Variants in FAM219A observed in about 807,000 individuals in gnomAD.
FAM219A encodes the protein protein FAM219A.
FAM219A carries 7 observed loss-of-function variants against 23.4 expected under a neutral mutation model. The ratio of observed to expected loss-of-function variants is 0.30; its 90% CI spans 0.17 to 0.56. The LOEUF is 0.56. Ranked by LOEUF, FAM219A falls within the 20% of genes least tolerant of loss-of-function variation. FAM219A has a pLI of 0.92. For synonymous variants in FAM219A, 93 were observed against 99.0 expected, an observed-to-expected ratio of 0.94 and a Z score of 0.36; for missense variants, 166 against 246.9, an observed-to-expected ratio of 0.67 and a Z score of 2.20.
At chr9:34,401,261 T>C in intron 5 of FAM219A, 139 bp from the exon 6 acceptor site, 1 of 1,087,066 alleles carries the variant, frequency 9.2e-7, no homozygotes, top group South Asian at 1.5e-5. Context: ...GGTCTGTCTG[T>C]ACCCCCAGGC....
chr9:34,420,585 C>A (rs1417922807), intron 1 of FAM219A, among the ~76,000 whole-genome samples: 1 of 152,092 alleles, frequency 6.6e-6, no homozygotes, highest in Non-Finnish European at 1.5e-5. Flanking sequence ...AAACAGATAA[C>A]CCAAAGGAAG....
At position 34,458,374 on chromosome 9, in the gene FAM219A, G is replaced by A; in HGVS notation, c.-111C>T. ...CGGGTGGTGCAGACTAGGCCTCCCC[G>A]GACCACTCGGGCGGGCAGGGGCCGG... On this transcript the variant is annotated 5_prime_UTR_variant, in exon 1 of 6. Coordinates refer to ENST00000651358, the MANE Select transcript of FAM219A (RefSeq NM_001184940.2). This position sits in a 1 kb window ranked among gnomAD's most constrained non-coding sequence, Gnocchi z 6.6. 1.4e-6 allele frequency: 1 copy of A among 716,692 alleles called. No individual in the cohort carries two copies. The highest frequency in any genetic ancestry group is 1.9e-6 in the Non-Finnish European group (1 of 534,068). 44.4% of individuals were successfully genotyped at this position (716,692 alleles called of 1,614,324 possible). A position where few individuals can be genotyped will look rare whatever the true frequency, so the allele number is the denominator to read the frequency against.
intron 1 of FAM219A, among the ~76,000 whole-genome samples, chr9:34,426,612 G>C (rs1394249386): frequency 1.3e-5 from 2 of 152,204 alleles, no homozygotes; most frequent in Admixed American, 1.3e-4. Context: ...TTTAGTTTCT[G>C]AAATCCAAGT....
chr9:34,421,130 G>A (rs1822267207), intron 1 of FAM219A, among the ~76,000 whole-genome samples: 1 of 152,008 alleles, frequency 6.6e-6, no homozygotes, highest in Admixed American at 6.5e-5. Context: ...CGTGCAGCAG[G>A]GAGGTCAGGG....
Position 34,458,219 on chromosome 9 carries a change from C to G in FAM219A, c.45G>C (p.Ser15=). The G allele has an allele frequency of 6.3e-7, 1 of 1,589,876 alleles. No individual in the cohort carries two copies. Among genetic ancestry groups the G allele is most frequent in the Non-Finnish European group, 8.5e-7 (1 of 1,172,204 alleles). ...GCCCCCTCACCAGCGGCTGCATCTC[C>G]GAGTGCGCGGTGGGCACCTGGAACC... ...IDRFQVPTAH[S]EMQPLDPAAA... Residue 15 remains serine, a synonymous_variant, in exon 1 of 6, where the codon TCG becomes TCC. Coordinates refer to ENST00000651358, the MANE Select transcript of FAM219A (RefSeq NM_001184940.2). The surrounding 1 kb of genome is among the most constrained non-coding windows in gnomAD (Gnocchi z 6.6).
intron 1 of FAM219A, among the ~76,000 whole-genome samples, chr9:34,416,819 T>TG (rs1822054186): frequency 2.7e-5 from 4 of 150,716 alleles, no homozygotes; most frequent in African/African-American, 9.7e-5. Flanking sequence ...TTTTTTTTTT[T>TG]TTTTTTTTTT....
chr9:34,438,434 C>T (rs1008369369), intron 1 of FAM219A, among the ~76,000 whole-genome samples: 1 of 152,184 alleles, frequency 6.6e-6, no homozygotes, highest in African/African-American at 2.4e-5. Context: ...AGGTGGAGAA[C>T]CTTTATGTCT....
chr9:34,453,216 CAT>C (rs1823616612), intron 1 of FAM219A, among the ~76,000 whole-genome samples: 1 of 152,178 alleles, frequency 6.6e-6, no homozygotes, highest in African/African-American at 2.4e-5. Context: ...GTGCCCAGAA[CAT>C]AGAATATATA....
At chr9:34,453,838 G>A (rs1315611552) in intron 1 of FAM219A, among the ~76,000 whole-genome samples, 2 of 152,192 alleles carry the variant, frequency 1.3e-5, no homozygotes, top group Non-Finnish European at 2.9e-5. Flanking sequence ...GACATAGACT[G>A]TGCGGCTGCA....
At chr9:34,418,795 T>C (rs917620845) in intron 1 of FAM219A, among the ~76,000 whole-genome samples, 15 of 152,206 alleles carry the variant, frequency 9.9e-5, no homozygotes, top group Admixed American at 7.2e-4. Flanking sequence ...ATTGGCCAGA[T>C]GCAGTGGCTC....
At position 34,445,564 on chromosome 9, in the gene FAM219A, T is replaced by C. The variant is rs73498733; in HGVS notation, c.60+12640A>G. Among the ~76,000 whole-genome samples, 642 of 152,200 alleles carry C rather than the reference T, an allele frequency of 4.2e-3. 7 individuals are homozygous for C. The highest frequency in any genetic ancestry group is 0.015 in the African/African-American group (619 of 41,532). On this transcript the variant is annotated intron_variant, in intron 1 of 5. Transcript: ENST00000651358. ...AATAGGTGAAAGAAGGTGAAGGACA[T>C]GGCTGGACTTACTAGAAAGAAAGTT...
chr9:34,441,463 G>C (rs1020828200), intron 1 of FAM219A, among the ~76,000 whole-genome samples: 1 of 152,132 alleles, frequency 6.6e-6, no homozygotes, highest in African/African-American at 2.4e-5. Context: ...GAAGCAGGGT[G>C]GGATACATGT....
intron 1 of FAM219A, among the ~76,000 whole-genome samples, chr9:34,433,583 T>G (rs890286597): frequency 2.6e-5 from 4 of 152,158 alleles, no homozygotes; most frequent in African/African-American, 9.7e-5. Context: ...CTCCTACCAC[T>G]TAAAAACTCC....
chr9:34,446,743 A>G (rs1047143076), intron 1 of FAM219A, among the ~76,000 whole-genome samples: 20 of 152,200 alleles, frequency 1.3e-4, no homozygotes, highest in Non-Finnish European at 5.9e-5. Flanking sequence ...CTGCTTATTC[A>G]TAGGCCAAAC....
At chr9:34,421,667 C>A (rs1003267599) in intron 1 of FAM219A, among the ~76,000 whole-genome samples, 9 of 152,086 alleles carry the variant, frequency 5.9e-5, no homozygotes, top group African/African-American at 2.2e-4. Context: ...GAGGACACTT[C>A]CTCTTCTCTG....
chr9:34,458,368 C>T lies in FAM219A; in HGVS notation c.-105G>A. 2 of 773,902 alleles carry T rather than the reference C, an allele frequency of 2.6e-6. No homozygotes were observed. The highest frequency in any genetic ancestry group is 3.4e-6 in the Non-Finnish European group (2 of 585,680). The allele number at this position is 773,902 out of a possible 1,614,324, so 47.9% of individuals were successfully genotyped here. A position where few individuals can be genotyped will look rare whatever the true frequency, so the allele number is the denominator to read the frequency against. On this transcript the variant is annotated 5_prime_UTR_variant, in exon 1 of 6. Transcript: ENST00000651358. This position sits in a 1 kb window ranked among gnomAD's most constrained non-coding sequence, Gnocchi z 6.6. ...GCCCGGCGGGTGGTGCAGACTAGGC[C>T]TCCCCGGACCACTCGGGCGGGCAGG... is the stretch of plus-strand genomic sequence containing the variant.
At chr9:34,404,901 A>G (rs1821582102) in intron 2 of FAM219A, among the ~76,000 whole-genome samples, 1 of 152,128 alleles carries the variant, frequency 6.6e-6, no homozygotes, top group South Asian at 2.1e-4. Context: ...AAAAAAAAAT[A>G]GTAGTTGAAT....
chr9:34,441,793 G>A (rs1276645377), intron 1 of FAM219A, among the ~76,000 whole-genome samples: 2 of 152,074 alleles, frequency 1.3e-5, no homozygotes, highest in Non-Finnish European at 2.9e-5. Flanking sequence ...ACAGTGGCAC[G>A]ATCATGGCTC....
chr9:34,406,290 T>C (rs1434152603), intron 1 of FAM219A: 1 of 985,210 alleles, frequency 1.0e-6, no homozygotes, highest in Non-Finnish European at 1.2e-6. Flanking sequence ...ACTCCCATAC[T>C]AGTAGCCCTT....
Sources: allele counts gnomAD v4.1 joint callset (sites outside exome capture counted in the v4.1 genomes callset), GRCh38; gene constraint gnomAD v4.1.1; non-coding constraint Gnocchi (gnomAD v3.1); transcripts MANE v1.5; gene names NCBI Gene and HGNC (gene_info 2026-07-23, HGNC 2026-07-21).